The following YY1AP1 variants were observed in gnomAD, a reference collection of about 807,000 sequenced individuals.
YY1AP1 encodes the protein YY1-associated protein 1.
Under a neutral mutation model 39.9 loss-of-function variants are expected in YY1AP1, and 43 were observed. The observed-to-expected ratio is 1.08, with a 90% confidence interval of 0.84 to 1.39. The LOEUF (loss-of-function observed/expected upper bound fraction) is 1.39, where lower values mean the gene tolerates loss of function less well. Ranked by LOEUF, YY1AP1 falls within the 40% of genes most tolerant of loss-of-function variation. The pLI, the probability that YY1AP1 is intolerant of heterozygous loss-of-function variation, is 0.00. For missense variants in YY1AP1, 813 were observed against 900.7 expected (o/e 0.90, Z 1.25); for synonymous variants, 292 against 331.3 (o/e 0.88, Z 1.29).
intron 4 of YY1AP1, among the ~76,000 whole-genome samples, chr1:155,678,424 A>G (rs1028251316): frequency 1.3e-5 from 2 of 152,228 alleles, no homozygotes; most frequent in Non-Finnish European, 2.9e-5. Context: ...AAGAAGTTAT[A>G]AAGAGTTGAT....
chr1:155,664,351 C>G (rs951528212), intron 9 of YY1AP1, among the ~76,000 whole-genome samples: 5 of 152,042 alleles, frequency 3.3e-5, no homozygotes, highest in African/African-American at 1.2e-4. Context: ...ACCCTTCAAC[C>G]AGTTTCTCCC....
At chr1:155,666,742 A>G (rs113164161) in intron 9 of YY1AP1, among the ~76,000 whole-genome samples, 268 of 152,240 alleles carry the variant, frequency 1.8e-3, no homozygotes, top group African/African-American at 6.2e-3. Flanking sequence ...GCTCACGCCT[A>G]TAATTCCAGC....
intron 6 of YY1AP1, among the ~76,000 whole-genome samples, chr1:155,674,504 A>G (rs940742299): frequency 1.3e-5 from 2 of 151,994 alleles, no homozygotes; most frequent in Admixed American, 1.3e-4. Context: ...GGGTGAATCT[A>G]AAGATGAGGA....
intron 2 of YY1AP1, among the ~76,000 whole-genome samples, chr1:155,683,009 C>T (rs941655653): frequency 6.6e-6 from 1 of 150,812 alleles, no homozygotes; most frequent in Non-Finnish European, 1.5e-5. Context: ...TCGCTTGAAC[C>T]CGGGAGTCGG....
Position 155,660,358 on chromosome 1 carries a change from A to C in YY1AP1, c.1552T>G (p.Ser518Ala), listed in dbSNP as rs570498210. 1.5e-5 allele frequency: 24 copies of C among 1,614,170 alleles called. No homozygotes were observed. The African/African-American group carries it at 2.7e-4, about 18-fold the overall frequency. The change falls in exon 11 of 11, where the codon TCT (serine) becomes GCT (alanine). Residue 518 changes from serine to alanine, a missense_variant. Transcript: ENST00000355499. ...ACATATGGCTTTCGAAACATGGAAG[A>C]GGCAGGGGAGGGCATCATTACCTTG... The part of the protein sequence containing the change: ...VPKVMMPSPA[S>A]SMFRKPYVRR...
At chr1:155,671,875 A>G (rs950614866) in intron 7 of YY1AP1, among the ~76,000 whole-genome samples, 1 of 152,234 alleles carries the variant, frequency 6.6e-6, no homozygotes, top group African/African-American at 2.4e-5. Context: ...TAATGATAAG[A>G]CTTAGGGATT....
At chr1:155,667,795 C>G (rs1368428810) in intron 9 of YY1AP1, among the ~76,000 whole-genome samples, 1 of 151,912 alleles carries the variant, frequency 6.6e-6, no homozygotes, top group Non-Finnish European at 1.5e-5. Context: ...GCACTCCAGC[C>G]TGGGGGTCAA....
intron 4 of YY1AP1, among the ~76,000 whole-genome samples, chr1:155,678,282 G>A (rs1384718665): frequency 6.6e-6 from 1 of 152,188 alleles, no homozygotes; most frequent in South Asian, 2.1e-4. Context: ...TTTACACAAT[G>A]ATGAATCGTT....
chr1:155,671,380 G>A (rs903864045), intron 7 of YY1AP1, among the ~76,000 whole-genome samples: 5 of 150,760 alleles, frequency 3.3e-5, no homozygotes, highest in African/African-American at 4.9e-5. Flanking sequence ...GCAGTGAGCC[G>A]AGATCACCCC....
rs1271347832 is a variant in YY1AP1 at position 155,660,442 on chromosome 1, C to T, written c.1468G>A (p.Ala490Thr). 3.1e-6 allele frequency: 5 copies of T among 1,614,000 alleles called. No individual in the cohort carries two copies. Among genetic ancestry groups the T allele is most frequent in the Middle Eastern group, 1.6e-4 (1 of 6,084 alleles). ...PAALPAMPPE[A>T]RTSFPLSESQ... ...TCAGACAGAGGGAAGCTTGTCCTGG[C>T]CTCAGGGGGCATAGCAGGCAGTGCT... The change falls in exon 11 of 11, where the codon GCC becomes ACC. Residue 490 changes from alanine to threonine, a missense_variant. Ala to Thr is a moderately conservative substitution (Grantham distance 58). Coordinates refer to ENST00000355499, the MANE Select transcript of YY1AP1 (RefSeq NM_139119.3).
rs776650485 is a variant in YY1AP1 at position 155,680,452 on chromosome 1, C to G, written c.-16G>C. ...GATCTTCCATCAGCTCATTTGCTTC[C>G]TTTTCTGCAAAAAAGCCAAACGTTG... On this transcript the variant is annotated 5_prime_UTR_variant, in exon 3 of 11. Transcript: ENST00000355499. 3 of 1,613,312 alleles carry G rather than the reference C, an allele frequency of 1.9e-6. No homozygotes were observed. The highest frequency in any genetic ancestry group is 2.5e-6 in the Non-Finnish European group (3 of 1,179,584).
At chr1:155,661,891 C>T (rs898436995) in intron 9 of YY1AP1, among the ~76,000 whole-genome samples, 5 of 152,186 alleles carry the variant, frequency 3.3e-5, no homozygotes, top group African/African-American at 9.6e-5. Context: ...CTCCTGACCT[C>T]GTGATCCACC....
chr1:155,684,400 C>T (rs1251468071), intron 2 of YY1AP1, among the ~76,000 whole-genome samples: 1 of 152,028 alleles, frequency 6.6e-6, no homozygotes, highest in Non-Finnish European at 1.5e-5. Context: ...ACCTACTACC[C>T]GTTAAAAATT....
chr1:155,679,313 G>A (rs944168201), intron 4 of YY1AP1, 96 bp downstream of exon 4: 1 of 1,574,020 alleles, frequency 6.4e-7, no homozygotes, highest in African/African-American at 1.4e-5. Flanking sequence ...ACAGAAGCTG[G>A]CTGGGGATGA....
At chr1:155,680,585 G>A in intron 2 of YY1AP1, 129 bp from the exon 3 acceptor site, 1 of 762,006 alleles carries the variant, frequency 1.3e-6, no homozygotes, top group Non-Finnish European at 2.2e-6. Flanking sequence ...CCTTATTCCT[G>A]AGACAGGGTC....
At chr1:155,661,194 T>C (rs768498800) in intron 10 of YY1AP1, 113 bp downstream of exon 10, 15 of 1,610,236 alleles carry the variant, frequency 9.3e-6, no homozygotes, top group Non-Finnish European at 1.3e-5. Context: ...GGAAGATTCC[T>C]GAAGTCCTAG....
rs368438278 is a variant in YY1AP1 at position 155,659,742 on chromosome 1, A to G, written c.2168T>C (p.Leu723Pro). 1.2e-5 allele frequency: 20 copies of G among 1,614,054 alleles called. No homozygotes were observed. The highest frequency in any genetic ancestry group is 1.5e-5 in the Non-Finnish European group (18 of 1,180,026). The part of the protein sequence containing the change: ...EPLPQGIQES[L>P]NNSSPGDLEE... Reference sequence around the variant, plus strand: ...TAAATCCCCAGGGGAAGAGTTGTTTAGAGACTCCTGGATGCCCTGAGGGAG... The same window carrying G: ...TAAATCCCCAGGGGAAGAGTTGTTTGGAGACTCCTGGATGCCCTGAGGGAG... The change falls in exon 11 of 11, where the codon CTA becomes CCA. Residue 723 changes from leucine (L) to proline (P), a missense_variant. Around this residue, in one of 3 missense-constraint regions of YY1AP1, gnomAD observed 586 missense variants for 647.4 expected, o/e 0.91. Coordinates refer to ENST00000355499, the MANE Select transcript of YY1AP1 (RefSeq NM_139119.3).
At chr1:155,686,693 C>G (rs560565722) in intron 2 of YY1AP1, among the ~76,000 whole-genome samples, 1 of 152,334 alleles carries the variant, frequency 6.6e-6, no homozygotes, top group South Asian at 2.1e-4. Flanking sequence ...GCTGTGAAAG[C>G]CTTCTCCCTC....
chr1:155,680,826 C>G (rs1651406172), intron 2 of YY1AP1, among the ~76,000 whole-genome samples: 1 of 152,188 alleles, frequency 6.6e-6, no homozygotes, highest in African/African-American at 2.4e-5. Flanking sequence ...CTTGGCTTCC[C>G]AAAGTGCTGG....
Sources: gnomAD v4.1 joint callset for allele counts (sites outside exome capture counted in the v4.1 genomes callset) on GRCh38, gnomAD v4.1.1 for gene constraint, gnomAD v4.1.1 regional missense constraint, MANE v1.5 for transcripts, NCBI Gene and HGNC (gene_info 2026-07-23, HGNC 2026-07-21) for gene names.